The following RIIAD1 variants were observed in gnomAD, a reference collection of about 807,000 sequenced individuals.
The protein encoded by RIIAD1 is RIIa domain-containing protein 1.
RIIAD1 carries 15 observed loss-of-function variants against 13.3 expected under a neutral mutation model. That is an observed-to-expected ratio of 1.13 (90% confidence interval 0.76 to 1.74). RIIAD1 has a LOEUF of 1.74. Ranked by LOEUF, RIIAD1 falls within the 40% of genes most tolerant of loss-of-function variation. The pLI, the probability that RIIAD1 is intolerant of heterozygous loss-of-function variation, is 0.00. For missense variants in RIIAD1, 121 were observed against 112.2 expected, an observed-to-expected ratio of 1.08 and a Z score of -0.35; for synonymous variants, 50 against 43.3, an observed-to-expected ratio of 1.16 and a Z score of -0.61.
At chr1:151,720,549 C>T (rs1673719089), upstream of RIIAD1, among the ~76,000 whole-genome samples, 1 of 152,236 alleles carries the variant, frequency 6.6e-6, no homozygotes, top group African/African-American at 2.4e-5. Flanking sequence ...ACTTCTTTTC[C>T]TCAGTCTTTG....
intron 2 of RIIAD1, among the ~76,000 whole-genome samples, chr1:151,712,844 G>A (rs1418275286): frequency 6.6e-6 from 1 of 152,120 alleles, no homozygotes; most frequent in African/African-American, 2.4e-5. Context: ...AAGGCATGGA[G>A]ATTAAACAGT....
chr1:151,720,405 ACT>A (rs996656840), upstream of RIIAD1, among the ~76,000 whole-genome samples: 1 of 151,880 alleles, frequency 6.6e-6, no homozygotes, highest in African/African-American at 2.4e-5. Context: ...CACTCTATTA[ACT>A]CTCTCTCTTA....
intron 2 of RIIAD1, among the ~76,000 whole-genome samples, chr1:151,723,574 C>T (rs1480207189): frequency 6.6e-6 from 1 of 152,070 alleles, no homozygotes; most frequent in African/African-American, 2.4e-5. Context: ...GTGGCACGTG[C>T]CTGTAATCCC....
upstream of RIIAD1, among the ~76,000 whole-genome samples, chr1:151,718,525 C>CT (rs1428117259): frequency 3.3e-5 from 5 of 152,218 alleles, no homozygotes; most frequent in Admixed American, 1.3e-4. Context: ...GAGAGTCTTT[C>CT]TTTTTACTGC....
intron 2 of RIIAD1, among the ~76,000 whole-genome samples, chr1:151,713,012 G>T (rs191340738): frequency 9.5e-4 from 145 of 152,224 alleles, no homozygotes; most frequent in Non-Finnish European, 1.7e-3. Flanking sequence ...GAAGACAAAG[G>T]GTCACAGACA....
chr1:151,716,083 G>T, intron 4 of RIIAD1: 5 of 1,508,416 alleles, frequency 3.3e-6, no homozygotes, highest in East Asian at 2.3e-5. Context: ...AAGGGGAGCT[G>T]CCCAGCAAGG....
At chr1:151,718,821 C>T (rs1673677086), upstream of RIIAD1, among the ~76,000 whole-genome samples, 1 of 152,128 alleles carries the variant, frequency 6.6e-6, no homozygotes, top group Admixed American at 6.5e-5. Flanking sequence ...TTCCACTCAC[C>T]TACCCCACCC....
At chr1:151,721,520 T>C, upstream of RIIAD1, 3 of 1,302,722 alleles carry the variant, frequency 2.3e-6, no homozygotes, top group South Asian at 6.3e-5. Flanking sequence ...GCCGGTCGCC[T>C]TGACGACCGC....
intron 4 of RIIAD1, chr1:151,715,842 C>T: frequency 6.2e-7 from 1 of 1,601,498 alleles, no homozygotes; most frequent in Non-Finnish European, 8.5e-7. Flanking sequence ...TCCCAGCCCA[C>T]CCCGAAGCCT....
At chr1:151,713,886 CAA>C (rs1487144643) in intron 3 of RIIAD1, among the ~76,000 whole-genome samples, 2 of 152,180 alleles carry the variant, frequency 1.3e-5, no homozygotes, top group African/African-American at 2.4e-5. Context: ...GAAGAAGACA[CAA>C]AGAGATAGGA....
intron 3 of RIIAD1, chr1:151,728,534 C>T (rs1214022678): frequency 2.0e-6 from 1 of 509,136 alleles, no homozygotes; most frequent in Non-Finnish European, 3.5e-6. Context: ...GGGAGGCAGC[C>T]AGCCTCTGGG....
chr1:151,720,134 C>A (rs1673709931), upstream of RIIAD1, among the ~76,000 whole-genome samples: 1 of 152,056 alleles, frequency 6.6e-6, no homozygotes. Flanking sequence ...TCATACCAAG[C>A]CTTCAAAATC....
intron 4 of RIIAD1, chr1:151,714,687 G>A: frequency 6.4e-7 from 1 of 1,551,944 alleles, no homozygotes; most frequent in Non-Finnish European, 8.7e-7. Flanking sequence ...CTGAGGAGGG[G>A]CAGGGGCAGA....
intron 2 of RIIAD1, among the ~76,000 whole-genome samples, chr1:151,712,979 C>T (rs1196243078): frequency 6.6e-6 from 1 of 152,250 alleles, no homozygotes; most frequent in East Asian, 1.9e-4. Context: ...GGGGAGAATG[C>T]AGGTAGCAGG....
chr1:151,719,376 C>A (rs147531832), upstream of RIIAD1, among the ~76,000 whole-genome samples: 142 of 152,296 alleles, frequency 9.3e-4, no homozygotes, highest in Non-Finnish European at 1.7e-3. Flanking sequence ...CACCCCCAAG[C>A]TCACCCTCTT....
intron 4 of RIIAD1, among the ~76,000 whole-genome samples, chr1:151,729,204 A>G (rs1403391074): frequency 6.6e-6 from 1 of 152,098 alleles, no homozygotes; most frequent in African/African-American, 2.4e-5. Flanking sequence ...TAGCATCAAT[A>G]TGATGTTCCT....
chr1:151,715,477 C>T (rs1673398799), intron 4 of RIIAD1: 2 of 574,760 alleles, frequency 3.5e-6, no homozygotes, highest in African/African-American at 3.8e-5. Context: ...GACCCCCATC[C>T]CAATATTATC....
chr1:151,729,027 C>T (rs1647256629), intron 4 of RIIAD1, 134 bp downstream of exon 4: 1 of 592,540 alleles, frequency 1.7e-6, no homozygotes, highest in Non-Finnish European at 3.0e-6. Context: ...TTTAGTTTTT[C>T]CTCTACTGTT....
At chr1:151,715,582 C>T in intron 4 of RIIAD1, 1 of 1,392,330 alleles carries the variant, frequency 7.2e-7, no homozygotes, top group South Asian at 1.2e-5. Flanking sequence ...CTTGTCCCTC[C>T]ATTCTTTCTT....
Sources: gnomAD v4.1 joint callset for allele counts (sites outside exome capture counted in the v4.1 genomes callset) on GRCh38, gnomAD v4.1.1 for gene constraint, MANE v1.5 for transcripts, NCBI Gene and HGNC (gene_info 2026-07-23, HGNC 2026-07-21) for gene names.